Variants in TMEM238L observed in about 807,000 individuals in gnomAD.
TMEM238L encodes transmembrane protein 238 like, also known as transmembrane protein 238-like.
At chr17:10,796,161 C>T (rs550127408) in intron 1 of TMEM238L, among the ~76,000 whole-genome samples, 1 of 152,270 alleles carries the variant, frequency 6.6e-6, no homozygotes, top group Admixed American at 6.5e-5. Flanking sequence ...ATTTGAATCC[C>T]GCACTCACAG....
At chr17:10,797,251 C>A (rs11658748) in intron 1 of TMEM238L, among the ~76,000 whole-genome samples, 151,881 of 152,268 alleles carry the variant, frequency 1, 75,751 homozygotes, top group Middle Eastern at 1. Context: ...GATGATAATA[C>A]TACTTTCCTC....
chr17:10,795,535 C>G (rs903884027), exon 2 of TMEM238L: 2 of 152,252 alleles, frequency 1.3e-5, no homozygotes, highest in Non-Finnish European at 2.9e-5. Context: ...GGAGAAATAG[C>G]AACAATCCTG....
intron 1 of TMEM238L, among the ~76,000 whole-genome samples, chr17:10,796,759 G>C (rs1263790414): frequency 1.3e-5 from 2 of 152,054 alleles, no homozygotes; most frequent in Non-Finnish European, 2.9e-5. Context: ...TTATTACTGG[G>C]AACTTCCATT....
At chr17:10,802,692 G>A (rs569073608) in intron 1 of TMEM238L, among the ~76,000 whole-genome samples, 8 of 152,300 alleles carry the variant, frequency 5.3e-5, no homozygotes, top group South Asian at 2.1e-4. Flanking sequence ...ATACACCTGC[G>A]TGCAGGTTGG....
At position 10,803,358 on chromosome 17, in the gene TMEM238L, CA is replaced by C. The variant is rs533261854; in HGVS notation, c.*118+247del. 5.3e-5 allele frequency among the ~76,000 whole-genome samples: 8 copies of C among 152,284 alleles called. No individual in the cohort carries two copies. In the South Asian group the frequency reaches 1.0e-3, roughly 20 times the overall value. On this transcript the variant is annotated intron_variant, in intron 1 of 1. Transcript: ENST00000581851. ...GAAGCCAGGATCATTCGTGGTATAT[CA>C]GGGGTGGAAGGGGCTGTTGAGACTC...
intron 1 of TMEM238L, among the ~76,000 whole-genome samples, chr17:10,798,613 G>C (rs951057678): frequency 6.6e-6 from 1 of 152,106 alleles, no homozygotes; most frequent in African/African-American, 2.4e-5. Flanking sequence ...GTTTGTTTCT[G>C]TGAGTGTGTG....
chr17:10,801,363 A>G (rs1210554485), intron 1 of TMEM238L, among the ~76,000 whole-genome samples: 29 of 152,254 alleles, frequency 1.9e-4, no homozygotes, highest in Non-Finnish European at 1.5e-4. Flanking sequence ...TTGTTCTTCA[A>G]GTAATGACCA....
chr17:10,803,938 CT>C lies in TMEM238L; in HGVS notation c.25del (p.Arg9AspfsTer33), dbSNP rs1597579950. The C allele has an allele frequency of 1.0e-5, 4 of 399,006 alleles. No homozygotes were observed. The highest frequency in any genetic ancestry group is 1.8e-5 in the Non-Finnish European group (4 of 226,172). The allele number at this position is 399,006 out of a possible 1,614,324, so 24.7% of individuals were successfully genotyped here. Reference sequence around the variant, plus strand: ...GAGCGCACAGCGCCCTGGATGGCATCTTCCCCACAGACTCCCCAGGAGCATT... The same window carrying C: ...GAGCGCACAGCGCCCTGGATGGCATCTCCCCACAGACTCCCCAGGAGCATT... On this transcript the variant is annotated frameshift_variant, in exon 1 of 2. Coordinates refer to ENST00000581851, the Ensembl canonical transcript of TMEM238L. LOFTEE classifies it high-confidence loss of function.
intron 1 of TMEM238L, among the ~76,000 whole-genome samples, chr17:10,801,001 T>A (rs535197878): frequency 6.6e-6 from 1 of 152,186 alleles, no homozygotes; most frequent in African/African-American, 2.4e-5. Context: ...CAGGTCCAAT[T>A]ATGTTAAGCC....
At chr17:10,803,501 G>A (rs1904809682) in intron 1 of TMEM238L, 105 bp downstream of exon 1, 2 of 365,762 alleles carry the variant, frequency 5.5e-6, no homozygotes, top group Non-Finnish European at 9.7e-6. Flanking sequence ...CAGTCAGGGT[G>A]CAGTGTCTGG....
At chr17:10,802,941 T>C (rs1258344984) in intron 1 of TMEM238L, among the ~76,000 whole-genome samples, 1 of 152,172 alleles carries the variant, frequency 6.6e-6, no homozygotes, top group East Asian at 1.9e-4. Context: ...TCTTGACTTC[T>C]GGGCCTTGGA....
exon 2 of TMEM238L, chr17:10,795,272 G>C (rs993265822): frequency 2.0e-5 from 3 of 152,238 alleles, no homozygotes; most frequent in Admixed American, 6.5e-5. Context: ...ATGCACGGGA[G>C]ATTTCAGTTG....
chr17:10,800,721 G>C (rs1409478979), intron 1 of TMEM238L, among the ~76,000 whole-genome samples: 1 of 152,182 alleles, frequency 6.6e-6, no homozygotes, highest in Non-Finnish European at 1.5e-5. Flanking sequence ...GGAGTAATGG[G>C]GCACGGAGAG....
At chr17:10,802,873 C>T (rs936495410) in intron 1 of TMEM238L, among the ~76,000 whole-genome samples, 9 of 152,172 alleles carry the variant, frequency 5.9e-5, no homozygotes, top group African/African-American at 9.7e-5. Context: ...TTTGGTTGCA[C>T]GCGATAGACT....
chr17:10,798,615 G>A (rs1205530024), intron 1 of TMEM238L, among the ~76,000 whole-genome samples: 1 of 152,080 alleles, frequency 6.6e-6, no homozygotes, highest in African/African-American at 2.4e-5. Context: ...TTGTTTCTGT[G>A]AGTGTGTGTT....
At chr17:10,801,077 G>A (rs1376988658) in intron 1 of TMEM238L, among the ~76,000 whole-genome samples, 1 of 149,766 alleles carries the variant, frequency 6.7e-6, no homozygotes, top group Non-Finnish European at 1.5e-5. Flanking sequence ...TTGAGACGGA[G>A]TCTCGCTCTG....
At chr17:10,800,822 G>A (rs752370274) in intron 1 of TMEM238L, among the ~76,000 whole-genome samples, 2 of 152,228 alleles carry the variant, frequency 1.3e-5, no homozygotes, top group Non-Finnish European at 1.5e-5. Context: ...CTTCAACGCC[G>A]GGCTATTGAA....
chr17:10,801,806 AG>A (rs1904755894), intron 1 of TMEM238L, among the ~76,000 whole-genome samples: 1 of 151,340 alleles, frequency 6.6e-6, no homozygotes, highest in Admixed American at 6.6e-5. Flanking sequence ...TAATTGAGAC[AG>A]GTCTCACTCT....
At chr17:10,803,372 G>T (rs1231549113) in intron 1 of TMEM238L, among the ~76,000 whole-genome samples, 1 of 152,174 alleles carries the variant, frequency 6.6e-6, no homozygotes, top group Admixed American at 6.5e-5. Flanking sequence ...GGTGGAAGGG[G>T]CTGTTGAGAC....
Sources: allele counts gnomAD v4.1 joint callset (sites outside exome capture counted in the v4.1 genomes callset), GRCh38; gene constraint gnomAD v4.1.1; transcripts MANE v1.5; gene names NCBI Gene and HGNC (gene_info 2026-07-23, HGNC 2026-07-21).